CEP70: variants seen among roughly 807,000 people sequenced by gnomAD.
The protein encoded by CEP70 is centrosomal protein of 70 kDa.
In CEP70, 70 loss-of-function variants were observed where a neutral mutation model predicts 90.9. The observed-to-expected ratio is 0.77, with a 90% CI of 0.64 to 0.94. CEP70 has a LOEUF of 0.94. CEP70 is among the 40% of genes least tolerant of loss of function. The pLI is 0.00. For missense variants in CEP70, 648 were observed against 669.0 expected, an observed-to-expected ratio of 0.97 and a Z score of 0.35; for synonymous variants, 220 against 228.3, an observed-to-expected ratio of 0.96 and a Z score of 0.33.
intron 8 of CEP70, chr3:138,530,489 A>G (rs1435701919): frequency 2.0e-6 from 1 of 502,474 alleles, no homozygotes; most frequent in Non-Finnish European, 2.6e-6. Flanking sequence ...ACACATGTGC[A>G]TATAGTCTGA....
intron 11 of CEP70, among the ~76,000 whole-genome samples, chr3:138,510,391 C>T (rs2108729125): frequency 6.6e-6 from 1 of 152,042 alleles, no homozygotes; most frequent in East Asian, 1.9e-4. Flanking sequence ...TGAGATCGTG[C>T]CACTGCACTC....
At chr3:138,582,117 T>C (rs940893777) in intron 2 of CEP70, among the ~76,000 whole-genome samples, 1 of 152,170 alleles carries the variant, frequency 6.6e-6, no homozygotes, top group Non-Finnish European at 1.5e-5. Context: ...GTTTTTTTAA[T>C]CTGAAAGAAA....
At chr3:138,537,030 A>C in intron 7 of CEP70, 148 bp downstream of exon 7, 1 of 403,280 alleles carries the variant, frequency 2.5e-6, no homozygotes, top group East Asian at 3.7e-5. Flanking sequence ...GAACAGGATG[A>C]GCAGGGAAAA....
chr3:138,577,225 TAGG>T (rs764463150), intron 2 of CEP70, among the ~76,000 whole-genome samples: 194 of 152,160 alleles, frequency 1.3e-3, no homozygotes, highest in Non-Finnish European at 2.2e-3. Flanking sequence ...GGGATAGCAT[TAGG>T]AGAAGTACCT....
At chr3:138,573,369 C>G (rs1553864956) in intron 2 of CEP70, among the ~76,000 whole-genome samples, 1 of 147,038 alleles carries the variant, frequency 6.8e-6, no homozygotes, top group Non-Finnish European at 1.5e-5. Flanking sequence ...CATATTGCAA[C>G]TGGGATACAG....
chr3:138,558,745 G>A (rs1050283030), intron 6 of CEP70, among the ~76,000 whole-genome samples: 1 of 152,138 alleles, frequency 6.6e-6, no homozygotes, highest in Non-Finnish European at 1.5e-5. Context: ...TAACACCACA[G>A]TAGATCTCAA....
chr3:138,515,466 GC>G lies in CEP70; in HGVS notation c.945-6923del, dbSNP rs1465583058. ...AATCACCAACAAAAGGCATAGAAAT[GC>G]AAAAAAAAAAAAAAAAAAAAAGTAT... On this transcript the variant is annotated intron_variant, in intron 11 of 17. Transcript: ENST00000264982. 3.2e-3 allele frequency among the ~76,000 whole-genome samples: 70 copies of G among 21,638 alleles called. 1 individual carries two copies. Among genetic ancestry groups the G allele is most frequent in the African/African-American group, 0.013 (66 of 5,156 alleles). 14.2% of individuals were successfully genotyped at this position (21,638 alleles called of 152,430 possible).
intron 11 of CEP70, among the ~76,000 whole-genome samples, chr3:138,518,161 G>A (rs1047113930): frequency 6.6e-6 from 1 of 152,232 alleles, no homozygotes; most frequent in African/African-American, 2.4e-5. Context: ...GCTGAGGCTT[G>A]AGTAGGTAAA....
intron 13 of CEP70, among the ~76,000 whole-genome samples, chr3:138,503,506 C>A (rs1166072875): frequency 6.6e-6 from 1 of 152,146 alleles, no homozygotes; most frequent in Non-Finnish European, 1.5e-5. Flanking sequence ...TTAGAGGTTG[C>A]TACATATCAA....
intron 16 of CEP70, among the ~76,000 whole-genome samples, chr3:138,498,338 C>CTT (rs200581423): frequency 1.1e-4 from 15 of 135,878 alleles, no homozygotes; most frequent in African/African-American, 1.9e-4. Context: ...ATATAACATT[C>CTT]TTTTTTTTTT....
intron 6 of CEP70, among the ~76,000 whole-genome samples, chr3:138,559,730 C>CA (rs1184486681): frequency 2.0e-5 from 3 of 151,904 alleles, no homozygotes; most frequent in Non-Finnish European, 4.4e-5. Flanking sequence ...ATACCAAAAA[C>CA]AAAAAACAAA....
intron 10 of CEP70, 97 bp downstream of exon 10, chr3:138,529,102 G>C (rs570792123): frequency 5.9e-6 from 4 of 675,952 alleles, no homozygotes; most frequent in South Asian, 4.1e-5. Flanking sequence ...GGAGGTCAAG[G>C]CTGCGGTGAG....
rs186329449 is a variant in CEP70, at chr3:138,573,359, C to T, written c.-5-427G>A. Reference sequence around the variant, plus strand: ...AAATCCACACATTCTAGAAACCCAACATATTGCAACTGGGATACAGTAAAA... The same window carrying T: ...AAATCCACACATTCTAGAAACCCAATATATTGCAACTGGGATACAGTAAAA... On this transcript the variant is annotated intron_variant, in intron 2 of 17. Transcript: ENST00000264982. Among the ~76,000 whole-genome samples the T allele has an allele frequency of 3.4e-5, 5 of 146,974 alleles. No individual in the cohort carries two copies. The East Asian group carries it at 5.9e-4, about 17-fold the overall frequency.
chr3:138,537,255 TTCC>T lies in CEP70; in HGVS notation c.555_557del (p.Glu187del). 1 of 1,608,492 alleles carries T rather than the reference TTCC, an allele frequency of 6.2e-7. No individual in the cohort carries two copies. The highest frequency in any genetic ancestry group is 8.5e-7 in the Non-Finnish European group (1 of 1,177,706). Reference sequence around the variant, plus strand: ...TGTTTTGAGTGACAATGCGATCTTCTTCCTCCTTTTTTAATCTACAGACTTCCA... The same window carrying T: ...TGTTTTGAGTGACAATGCGATCTTCTTCCTTTTTTAATCTACAGACTTCCA... On this transcript the variant is annotated inframe_deletion, in exon 7 of 18. Transcript: ENST00000264982.
intron 8 of CEP70, chr3:138,530,932 A>C (rs2037754777): frequency 4.0e-6 from 3 of 741,564 alleles, no homozygotes; most frequent in Non-Finnish European, 4.9e-6. Context: ...ATCCCGAAAA[A>C]CTCCCTCCTT....
chr3:138,545,799 C>T (rs1383614240), intron 6 of CEP70, among the ~76,000 whole-genome samples: 1 of 152,104 alleles, frequency 6.6e-6, no homozygotes, highest in Non-Finnish European at 1.5e-5. Context: ...CTGAAATACA[C>T]CCTGGTCTCC....
intron 12 of CEP70, among the ~76,000 whole-genome samples, chr3:138,506,453 A>G (rs185630468): frequency 7.7e-4 from 117 of 152,290 alleles, no homozygotes; most frequent in African/African-American, 2.7e-3. Context: ...TCTACCTTAC[A>G]TATCATCCGA....
intron 6 of CEP70, among the ~76,000 whole-genome samples, chr3:138,537,664 T>A (rs889216175): frequency 3.3e-5 from 5 of 152,140 alleles, no homozygotes; most frequent in Admixed American, 3.3e-4. Flanking sequence ...AAGTTTACAT[T>A]AAAACAATAA....
At chr3:138,553,210 T>C (rs1340632440) in intron 6 of CEP70, among the ~76,000 whole-genome samples, 4 of 151,462 alleles carry the variant, frequency 2.6e-5, no homozygotes, top group African/African-American at 9.7e-5. Context: ...CTGGGCACGA[T>C]GGCTCACGCC....
Sources: gnomAD v4.1 joint callset for allele counts (sites outside exome capture counted in the v4.1 genomes callset) on GRCh38, gnomAD v4.1.1 for gene constraint, MANE v1.5 for transcripts, NCBI Gene and HGNC (gene_info 2026-07-23, HGNC 2026-07-21) for gene names.